The following SYNJ2 variants were observed in gnomAD, a reference collection of about 807,000 sequenced individuals.
SYNJ2 encodes the protein polyphosphatidylinositol phosphatase SYNJ2.
SYNJ2 carries 116 observed loss-of-function variants against 141.3 expected under a neutral mutation model. That is an observed-to-expected ratio of 0.82 (90% CI 0.71 to 0.96). SYNJ2 has a LOEUF of 0.96. SYNJ2 is among the 40% of genes least tolerant of loss of function. The probability of loss-of-function intolerance (pLI) is 0.00; values close to 1 mark genes in which losing one functional copy is unlikely to be tolerated. For synonymous variants in SYNJ2, 745 were observed against 777.7 expected, an observed-to-expected ratio of 0.96 and a Z score of 0.70; for missense variants, 1,873 against 1,934.8, an observed-to-expected ratio of 0.97 and a Z score of 0.60.
chr6:157,988,633 C>T (rs921312467), intron 1 of SYNJ2, among the ~76,000 whole-genome samples: 8 of 152,162 alleles, frequency 5.3e-5, no homozygotes, highest in African/African-American at 1.7e-4. Context: ...TGGGCTCCTT[C>T]GGCCTTCCCA....
chr6:158,095,526 A>G (rs1583534178), intron 26 of SYNJ2, 92 bp from the exon 27 acceptor site: 5 of 1,454,936 alleles, frequency 3.4e-6, no homozygotes, highest in African/African-American at 1.4e-5. Flanking sequence ...GCTTGGTCTC[A>G]TCTCTGTTCT....
At chr6:158,049,788 G>C (rs140970940) in intron 5 of SYNJ2, among the ~76,000 whole-genome samples, 39 of 152,244 alleles carry the variant, frequency 2.6e-4, no homozygotes, top group African/African-American at 8.7e-4. Context: ...CTGCAGGTAT[G>C]CACGTGGCTC....
At chr6:158,019,516 C>T (rs1439005754) in intron 2 of SYNJ2, among the ~76,000 whole-genome samples, 3 of 152,174 alleles carry the variant, frequency 2.0e-5, no homozygotes, top group South Asian at 2.1e-4. Flanking sequence ...AGGGTGTCTG[C>T]GGGGGTCAGC....
intron 20 of SYNJ2, among the ~76,000 whole-genome samples, chr6:158,083,025 C>A (rs562327023): frequency 2.6e-5 from 4 of 152,000 alleles, no homozygotes; most frequent in African/African-American, 4.8e-5. Context: ...TTCCGCCTCC[C>A]GGGTTCAAGC....
Position 157,982,007 on chromosome 6 carries a change from G to A in SYNJ2, c.46G>A (p.Glu16Lys), listed in dbSNP as rs191836727. 1,226 of 1,295,854 alleles carry A rather than the reference G, an allele frequency of 9.5e-4. 6 individuals are homozygous for A. The African/African-American group carries it at 0.017, about 18-fold the overall frequency. The allele number at this position is 1,295,854 out of a possible 1,614,324, so 80.3% of individuals were successfully genotyped here. ...GLRLLGRLGA[E>K]GDCSVLLEAR... ...GCGGCTGCTGGGGCGCCTGGGGGCC[G>A]AGGGGGACTGTAGCGTGCTGCTGGA... is the stretch of plus-strand genomic sequence containing the variant. Residue 16 changes from glutamate to lysine, a missense_variant, in exon 1 of 27, where the codon GAG becomes AAG. Physicochemically the swap from Glu to Lys is moderately conservative, Grantham distance 56. Transcript: ENST00000355585. This position sits in a 1 kb window ranked among gnomAD's most constrained non-coding sequence, Gnocchi z 4.0.
chr6:158,029,883 G>A (rs889274435), intron 3 of SYNJ2, among the ~76,000 whole-genome samples: 5 of 152,122 alleles, frequency 3.3e-5, no homozygotes, highest in African/African-American at 7.2e-5. Context: ...ACGAATAGTC[G>A]AGGGAATTTT....
chr6:158,025,093 C>G (rs1228086690), intron 2 of SYNJ2, among the ~76,000 whole-genome samples: 1 of 152,218 alleles, frequency 6.6e-6, no homozygotes, highest in Non-Finnish European at 1.5e-5. Flanking sequence ...TCGCGCAGTT[C>G]TGGAGGCTGG....
chr6:158,050,992 G>A (rs1045042730), intron 5 of SYNJ2, among the ~76,000 whole-genome samples: 1 of 152,054 alleles, frequency 6.6e-6, no homozygotes. Flanking sequence ...GACTGATAGT[G>A]CAGTTTATAT....
rs144391467 is a variant in SYNJ2 at position 157,996,008 on chromosome 6, C to A, written c.127+13920C>A. Among the ~76,000 whole-genome samples, 338 of 152,304 alleles carry A rather than the reference C, an allele frequency of 2.2e-3. 2 individuals carry two copies. The highest frequency in any genetic ancestry group is 7.8e-3 in the African/African-American group (325 of 41,558). ...GGGAACATCAACACTATAGAGATGG[C>A]AGTTCCTCTCCAGTTAATCTGGAAG... is the stretch of plus-strand genomic sequence containing the variant. On this transcript the variant is annotated intron_variant, in intron 1 of 26. Transcript: ENST00000355585.
At chr6:158,088,531 T>C (rs1402878021) in intron 23 of SYNJ2, 129 bp from the exon 24 acceptor site, 3 of 676,460 alleles carry the variant, frequency 4.4e-6, no homozygotes, top group East Asian at 5.1e-5. Flanking sequence ...AAGTGCCGAG[T>C]GAGTATTCGG....
Position 158,097,884 on chromosome 6 carries a change from T to C in SYNJ2, c.*1520T>C, listed in dbSNP as rs1266033223. 6.7e-6 allele frequency: 1 copy of C among 149,760 alleles called. No individual in the cohort carries two copies. The highest frequency in any genetic ancestry group is 1.5e-5 in the Non-Finnish European group (1 of 67,738). The allele number at this position is 149,760 out of a possible 1,614,324, so 9.3% of individuals were successfully genotyped here. A position where few individuals can be genotyped will look rare whatever the true frequency, so the allele number is the denominator to read the frequency against. On this transcript the variant is annotated 3_prime_UTR_variant, in exon 27 of 27. Transcript: ENST00000355585. ...TCCGTGACCCACAGAGCTAGACAGATAAGATGCATAGTTGACCAGTCATAA... is the reference window on the plus strand; with the variant it reads ...TCCGTGACCCACAGAGCTAGACAGACAAGATGCATAGTTGACCAGTCATAA...
At chr6:158,042,526 A>T (rs922066306) in intron 4 of SYNJ2, among the ~76,000 whole-genome samples, 2 of 152,234 alleles carry the variant, frequency 1.3e-5, no homozygotes, top group Non-Finnish European at 2.9e-5. Flanking sequence ...CCCGCATCTG[A>T]TAAGTGTCGC....
chr6:158,090,630 C>A (rs563181206), intron 25 of SYNJ2, among the ~76,000 whole-genome samples: 1 of 150,088 alleles, frequency 6.7e-6, no homozygotes, highest in Non-Finnish European at 1.5e-5. Context: ...CTGCAACCTC[C>A]GCCTCCCAGG....
chr6:158,065,010 A>C lies in SYNJ2; in HGVS notation c.1525+19A>C. ...CTCCTGGGTAGGGCCTGCCGCAGAC[A>C]GGGCGAGGCAGGGAGGTAGGGTGCT... On this transcript the variant is annotated intron_variant, in intron 11 of 26. Transcript: ENST00000355585. 2 of 1,516,224 alleles carry C rather than the reference A, an allele frequency of 1.3e-6. No homozygotes were observed. The highest frequency in any genetic ancestry group is 1.8e-6 in the Non-Finnish European group (2 of 1,126,218). The allele number at this position is 1,516,224 out of a possible 1,614,324, so 93.9% of individuals were successfully genotyped here. A position where few individuals can be genotyped will look rare whatever the true frequency, so the allele number is the denominator to read the frequency against.
At chr6:158,083,035 C>A (rs1043798610) in intron 20 of SYNJ2, among the ~76,000 whole-genome samples, 5 of 151,966 alleles carry the variant, frequency 3.3e-5, no homozygotes, top group Non-Finnish European at 5.9e-5. Flanking sequence ...CGGGTTCAAG[C>A]GATTCTCCTG....
At chr6:158,042,642 G>T (rs1034167077) in intron 4 of SYNJ2, among the ~76,000 whole-genome samples, 1 of 152,260 alleles carries the variant, frequency 6.6e-6, no homozygotes, top group Non-Finnish European at 1.5e-5. Flanking sequence ...ATAGCTGTAC[G>T]TGTGGGTGGG....
At position 158,071,712 on chromosome 6, in the gene SYNJ2, G is replaced by A; in HGVS notation, c.2051G>A (p.Ser684Asn). The A allele has an allele frequency of 6.2e-7, 1 of 1,614,112 alleles. No individual in the cohort carries two copies. The highest frequency in any genetic ancestry group is 8.5e-7 in the Non-Finnish European group (1 of 1,180,042). Reference protein sequence around the residue: ...FHSTSFCFICSHLTAGQSQVK... With the variant: ...FHSTSFCFICNHLTAGQSQVK... ...AGCACCAGCTTCTGCTTCATATGTA[G>A]TCACCTGACGGCCGGGCAGTCCCAG... is the stretch of plus-strand genomic sequence containing the variant. The change falls in exon 15 of 27, where the codon AGT becomes AAT. Residue 684 changes from serine (S) to asparagine (N), a missense_variant. By Grantham distance (46) the Ser-to-Asn change is conservative. Transcript: ENST00000355585. This position sits in a 1 kb window ranked among gnomAD's most constrained non-coding sequence, Gnocchi z 4.3.
At chr6:158,017,617 T>C (rs1778534529) in intron 2 of SYNJ2, 1 of 398,526 alleles carries the variant, frequency 2.5e-6, no homozygotes, top group South Asian at 1.9e-5. Context: ...GGTTTTTCCA[T>C]GTTGGTCAGG....
rs1412197209 is a variant in SYNJ2, at chr6:158,089,901, C to T, written c.3519C>T (p.Ala1173=). 6.2e-7 allele frequency: 1 copy of T among 1,614,020 alleles called. No individual in the cohort carries two copies. Among genetic ancestry groups the T allele is most frequent in the South Asian group, 1.1e-5 (1 of 91,086 alleles). The change falls in exon 25 of 27, where the codon GCC becomes GCT. Residue 1173 remains alanine, a synonymous_variant. Transcript: ENST00000355585. ...YNVKQIKTTN[A]QEAEAAIRCL... ...TCAAGCAGATCAAAACCACCAATGC[C>T]CAGGAGGCAGAAGCAGCAATCCGGT...
Sources: allele counts gnomAD v4.1 joint callset (sites outside exome capture counted in the v4.1 genomes callset), GRCh38; gene constraint gnomAD v4.1.1; non-coding constraint Gnocchi (gnomAD v3.1); transcripts MANE v1.5; gene names NCBI Gene and HGNC (gene_info 2026-07-23, HGNC 2026-07-21).